Variants in COG5 observed in about 807,000 individuals in gnomAD.
COG5 encodes the protein component of oligomeric golgi complex 5.
A neutral mutation model predicts 110.4 loss-of-function variants in COG5; 86 were observed. That is an observed-to-expected ratio of 0.78 (90% CI 0.65 to 0.93). The LOEUF (loss-of-function observed/expected upper bound fraction) is 0.93. COG5 is among the 40% of genes least tolerant of loss of function. COG5 has a pLI of 0.00. For synonymous variants in COG5, 360 were observed against 334.6 expected, an observed-to-expected ratio of 1.08 and a Z score of -0.83; for missense variants, 1,077 against 987.0, an observed-to-expected ratio of 1.09 and a Z score of -1.22.
intron 6 of COG5, among the ~76,000 whole-genome samples, chr7:107,478,162 C>G (rs772942822): frequency 6.6e-6 from 1 of 151,846 alleles, no homozygotes; most frequent in African/African-American, 2.4e-5. Context: ...AAATACCAAC[C>G]AAAGATGAGC....
At chr7:107,397,979 G>GA (rs1160699749) in intron 7 of COG5, among the ~76,000 whole-genome samples, 2 of 151,506 alleles carry the variant, frequency 1.3e-5, no homozygotes, top group African/African-American at 4.8e-5. Context: ...TTTCTCTATG[G>GA]AAAAAAAATA....
chr7:107,253,359 T>G (rs1247036497), intron 16 of COG5: 1 of 152,140 alleles, frequency 6.6e-6, no homozygotes, highest in African/African-American at 2.4e-5. Flanking sequence ...TTATACATTT[T>G]AAAAAGATTT....
At chr7:107,447,360 A>AT in intron 6 of COG5, among the ~76,000 whole-genome samples, 1 of 152,214 alleles carries the variant, frequency 6.6e-6, no homozygotes, top group South Asian at 2.1e-4. Flanking sequence ...CTTTCACCAC[A>AT]TAATGTAACA....
At chr7:107,527,383 T>C (rs749553454) in intron 5 of COG5, 26 bp from the exon 6 acceptor site, 7 of 1,611,542 alleles carry the variant, frequency 4.3e-6, no homozygotes, top group Non-Finnish European at 5.9e-6. Context: ...AATGTTAAGT[T>C]AGTTGATCCA....
intron 6 of COG5, among the ~76,000 whole-genome samples, chr7:107,526,250 C>T (rs956055437): frequency 3.3e-5 from 5 of 152,192 alleles, no homozygotes; most frequent in African/African-American, 9.7e-5. Flanking sequence ...AATGCCACTA[C>T]ATATATCCAC....
intron 3 of COG5, among the ~76,000 whole-genome samples, chr7:107,551,775 G>A (rs569544992): frequency 1.5e-4 from 23 of 152,044 alleles, no homozygotes; most frequent in African/African-American, 5.5e-4. Flanking sequence ...GCACCACCAC[G>A]CCAAGCTAAT....
rs556003423 is a variant in COG5 at position 107,450,949 on chromosome 7, C to A, written c.539-38317G>T. Among the ~76,000 whole-genome samples the A allele has an allele frequency of 2.0e-5, 3 of 152,262 alleles. No individual in the cohort carries two copies. The South Asian group carries it at 6.2e-4, about 32-fold the overall frequency. On this transcript the variant is annotated intron_variant, in intron 6 of 21. Coordinates refer to ENST00000297135, the MANE Select transcript of COG5 (RefSeq NM_006348.5). ...AGTAGACTACTTGCGCCAACCACAACAACTCTAATTCAACATCTAGATCTG... is the reference window on the plus strand; with the variant it reads ...AGTAGACTACTTGCGCCAACCACAAAAACTCTAATTCAACATCTAGATCTG...
chr7:107,372,901 G>GA (rs1814310697), intron 7 of COG5, 141 bp from the exon 8 acceptor site: 1 of 735,328 alleles, frequency 1.4e-6, no homozygotes, highest in Non-Finnish European at 2.2e-6. Context: ...TCAAAGACAA[G>GA]AAAAAACACA....
intron 6 of COG5, chr7:107,472,355 A>C (rs139731518): frequency 2.7e-4 from 41 of 152,122 alleles, no homozygotes; most frequent in African/African-American, 9.1e-4. Context: ...ATTTGCCAAA[A>C]ACTGTCATAG....
At chr7:107,252,653 A>G (rs1802605253) in intron 16 of COG5, among the ~76,000 whole-genome samples, 1 of 152,176 alleles carries the variant, frequency 6.6e-6, no homozygotes, top group Non-Finnish European at 1.5e-5. Flanking sequence ...CATCCTTAAC[A>G]AAAATTAAGT....
At chr7:107,344,124 G>T (rs12538848) in intron 10 of COG5, among the ~76,000 whole-genome samples, 27,370 of 152,072 alleles carry the variant, frequency 0.18, 2,659 homozygotes, top group Non-Finnish European at 0.22. Flanking sequence ...AGCCAGGTAT[G>T]GACTTCCGCT....
At chr7:107,510,302 G>C (rs527445161) in intron 6 of COG5, among the ~76,000 whole-genome samples, 1,538 of 152,148 alleles carry the variant, frequency 0.01, 15 homozygotes, top group Non-Finnish European at 0.015. Context: ...AGACAAAGAA[G>C]GCCATTACAT....
chr7:107,417,923 T>C (rs1792999648), intron 6 of COG5, among the ~76,000 whole-genome samples: 1 of 152,186 alleles, frequency 6.6e-6, no homozygotes. Flanking sequence ...TCCTATTATT[T>C]TGTATTTTCC....
chr7:107,544,752 C>T (rs879552129), intron 5 of COG5, among the ~76,000 whole-genome samples: 1 of 152,214 alleles, frequency 6.6e-6, no homozygotes, highest in Non-Finnish European at 1.5e-5. Flanking sequence ...GAATCACAAT[C>T]AGGGAAACAT....
intron 5 of COG5, 141 bp downstream of exon 5, chr7:107,547,970 G>A (rs1802570579): frequency 5.6e-6 from 4 of 710,660 alleles, no homozygotes; most frequent in Non-Finnish European, 9.6e-6. Flanking sequence ...ACATCTTAAG[G>A]CTTTTTAGTA....
chr7:107,306,253 T>C (rs549622809), intron 11 of COG5, among the ~76,000 whole-genome samples: 7 of 152,114 alleles, frequency 4.6e-5, no homozygotes, highest in Non-Finnish European at 1.0e-4. Flanking sequence ...AGTTCAGACA[T>C]ACAATAAGAG....
At chr7:107,307,309 T>C (rs1221996087) in intron 11 of COG5, among the ~76,000 whole-genome samples, 1 of 152,210 alleles carries the variant, frequency 6.6e-6, no homozygotes, top group Non-Finnish European at 1.5e-5. Context: ...ACCCCATTCT[T>C]TCCTGTATTT....
rs1455706047 is a variant in COG5 at position 107,413,805 on chromosome 7, G to A, written c.539-1173C>T. 3.9e-5 allele frequency among the ~76,000 whole-genome samples: 6 copies of A among 152,172 alleles called. No individual in the cohort carries two copies. In the South Asian group the frequency reaches 1.0e-3, roughly 26 times the overall value. ...ATAGCATGTATAATACATTAAGCTA[G>A]ACGCAAAGTGTGTATTACTTTAATG... On this transcript the variant is annotated intron_variant, in intron 6 of 21. Coordinates refer to ENST00000297135, the MANE Select transcript of COG5 (RefSeq NM_006348.5).
intron 19 of COG5, among the ~76,000 whole-genome samples, chr7:107,217,082 C>T (rs949725847): frequency 6.6e-6 from 1 of 152,054 alleles, no homozygotes; most frequent in Admixed American, 6.5e-5. Flanking sequence ...TGAGCGATTA[C>T]TATGACAAAT....
Sources: gnomAD v4.1 joint callset for allele counts (sites outside exome capture counted in the v4.1 genomes callset) on GRCh38, gnomAD v4.1.1 for gene constraint, MANE v1.5 for transcripts, NCBI Gene and HGNC (gene_info 2026-07-23, HGNC 2026-07-21) for gene names.